FGFBP1: variants seen among roughly 807,000 people sequenced by gnomAD.
FGFBP1 encodes the protein fibroblast growth factor-binding protein 1.
A neutral mutation model predicts 14.6 loss-of-function variants in FGFBP1; 12 were observed. The observed-to-expected ratio is 0.82, with a 90% CI of 0.53 to 1.33. FGFBP1 has a LOEUF of 1.33. Among genes scored for constraint, FGFBP1 ranks in the 40% most tolerant of loss-of-function variants. The pLI is 0.00. For synonymous variants in FGFBP1, 117 were observed against 105.0 expected, an observed-to-expected ratio of 1.11 and a Z score of -0.70; for missense variants, 317 against 271.8, an observed-to-expected ratio of 1.17 and a Z score of -1.17.
At position 15,936,338 on chromosome 4, in the gene FGFBP1, T is replaced by G; in HGVS notation, c.295A>C (p.Asn99His). 6.2e-7 allele frequency: 1 copy of G among 1,614,202 alleles called. No homozygotes were observed. The highest frequency in any genetic ancestry group is 1.3e-5 in the African/African-American group (1 of 75,054). ...TTGAGCTTTAGGCATGAGGTTGGAT[T>G]GCCAGCAAAGACACAGGAAAATTCA... ...DHEFSCVFAG[N>H]PTSCLKLKDE... The change falls in exon 3 of 3, where the codon AAT becomes CAT. Residue 99 changes from asparagine to histidine, a missense_variant. By Grantham distance (68) the Asn-to-His change is moderately conservative (BLOSUM62 1). Transcript: ENST00000382333.
chr4:15,936,195 G>A lies in FGFBP1; in HGVS notation c.438C>T (p.Ser146=), dbSNP rs765273287. The change falls in exon 3 of 3, where the codon TCC becomes TCT. Residue 146 remains serine (S), a synonymous_variant. Transcript: ENST00000382333. ...TRVCRKDFPE[S]SLKLVSSTLF... is the part of the protein sequence containing the mutation. The stretch of plus-strand genomic sequence containing the variant: ...GAGTGGAGCTGACTAGCTTAAGACT[G>A]GATTCTGGAAAATCCTTTCTGCACA... 3.0e-5 allele frequency: 49 copies of A among 1,614,128 alleles called. No homozygotes were observed. The East Asian group carries it at 1.1e-3, about 36-fold the overall frequency.
At position 15,935,850 on chromosome 4, in the gene FGFBP1, A is replaced by G. The variant is rs1712461753; in HGVS notation, c.*78T>C. On this transcript the variant is annotated 3_prime_UTR_variant, in exon 3 of 3. Transcript: ENST00000382333. The stretch of plus-strand genomic sequence containing the variant: ...GCACAAAAGTTCATATTTTGGGGGG[A>G]CTGTAGAGAGCTTTAAAGTATACAG... 3.7e-6 allele frequency: 3 copies of G among 816,046 alleles called. No homozygotes were observed. The highest frequency in any genetic ancestry group is 5.7e-6 in the Non-Finnish European group (3 of 529,636). The allele number at this position is 816,046 out of a possible 1,614,324, so 50.6% of individuals were successfully genotyped here.
rs1712477515 is a variant in FGFBP1, at chr4:15,936,237, T to C, written c.396A>G (p.Thr132=). The C allele has an allele frequency of 3.7e-6, 6 of 1,614,246 alleles. No individual in the cohort carries two copies. Among genetic ancestry groups the C allele is most frequent in the Non-Finnish European group, 5.1e-6 (6 of 1,180,044 alleles). Residue 132 remains threonine, a synonymous_variant, in exon 3 of 3, where the codon ACA becomes ACG. Coordinates refer to ENST00000382333, the MANE Select transcript of FGFBP1 (RefSeq NM_005130.5). ...SQKDICRYSK[T]AVKTRVCRKD... is the part of the protein sequence containing the mutation. ...TTCTGCACACTCTGGTTTTCACAGC[T>C]GTCTTGGAATATCTACAGATGTCTT...
At position 15,936,212 on chromosome 4, in the gene FGFBP1, T is replaced by G. The variant is rs373232049; in HGVS notation, c.421A>C (p.Lys141Gln). Residue 141 changes from lysine to glutamine, a missense_variant, in exon 3 of 3, where the codon AAG becomes CAG. By Grantham distance (53) the Lys-to-Gln change is moderately conservative. Transcript: ENST00000382333. ...TTAAGACTGGATTCTGGAAAATCCT[T>G]TCTGCACACTCTGGTTTTCACAGCT... is the stretch of plus-strand genomic sequence containing the variant. ...KTAVKTRVCR[K>Q]DFPESSLKLV... 3 of 1,614,122 alleles carry G rather than the reference T, an allele frequency of 1.9e-6. No individual in the cohort carries two copies. The highest frequency in any genetic ancestry group is 2.5e-6 in the Non-Finnish European group (3 of 1,180,042).
In FGFBP1 at chr4:15,936,516, T is replaced by A; in HGVS notation, c.117A>T (p.Gln39His). 1 of 1,614,190 alleles carries A rather than the reference T, an allele frequency of 6.2e-7. No homozygotes were observed. Among genetic ancestry groups the A allele is most frequent in the African/African-American group, 1.3e-5 (1 of 75,054 alleles). The change falls in exon 3 of 3, where the codon CAA becomes CAT. Residue 39 changes from glutamine (Q) to histidine (H), a missense_variant. Physicochemically the swap from Gln to His is conservative, Grantham distance 24. Transcript: ENST00000382333. ...TCTGGGTGTTGCCCAGAGTGTCCTTTTGTTCTGAGACCACTTTGCTGTGAA... is the reference window on the plus strand; with the variant it reads ...TCTGGGTGTTGCCCAGAGTGTCCTTATGTTCTGAGACCACTTTGCTGTGAA... Reference protein sequence around the residue: ...NGLHSKVVSEQKDTLGNTQIK... With the variant: ...NGLHSKVVSEHKDTLGNTQIK...
At chr4:15,937,580 G>C (rs1247514806) in intron 2 of FGFBP1, among the ~76,000 whole-genome samples, 1 of 152,184 alleles carries the variant, frequency 6.6e-6, no homozygotes, top group Non-Finnish European at 1.5e-5. Context: ...GTTTCTATAT[G>C]ACACCTCCTG....
intron 2 of FGFBP1, 101 bp from the exon 3 acceptor site, chr4:15,936,753 C>A: frequency 2.9e-6 from 2 of 677,994 alleles, no homozygotes; most frequent in South Asian, 3.8e-5. Flanking sequence ...TACATGATTT[C>A]AGAGTAGACC....
Position 15,937,498 on chromosome 4 carries a change from C to T in FGFBP1, c.-21+753G>A, listed in dbSNP as rs116605069. ...ATTGAATCAATAGGATGAACACCAA[C>T]GTCACACTGAACTGCATGAATCTGA... On this transcript the variant is annotated intron_variant, in intron 2 of 2. Coordinates refer to ENST00000382333, the MANE Select transcript of FGFBP1 (RefSeq NM_005130.5). 1.9e-3 allele frequency among the ~76,000 whole-genome samples: 286 copies of T among 152,304 alleles called. 1 individual carries two copies. The highest frequency in any genetic ancestry group is 6.6e-3 in the African/African-American group (275 of 41,560).
At position 15,936,437 on chromosome 4, in the gene FGFBP1, C is replaced by A. The variant is rs746468903; in HGVS notation, c.196G>T (p.Ala66Ser). 2 of 1,614,214 alleles carry A rather than the reference C, an allele frequency of 1.2e-6. No homozygotes were observed. The highest frequency in any genetic ancestry group is 1.7e-6 in the Non-Finnish European group (2 of 1,180,024). The change falls in exon 3 of 3, where the codon GCC (alanine) becomes TCC (serine). Residue 66 changes from alanine to serine, a missense_variant. Coordinates refer to ENST00000382333, the MANE Select transcript of FGFBP1 (RefSeq NM_005130.5). ...TCAGTAGCAGCCCATCTGCAGTTGG[C>A]TTGGTCTTTGGTGACAAACTTGCCT... is the stretch of plus-strand genomic sequence containing the variant. ...NKGKFVTKDQ[A>S]NCRWAATEQE...
chr4:15,937,136 T>A (rs1036064818), intron 2 of FGFBP1, among the ~76,000 whole-genome samples: 7 of 152,180 alleles, frequency 4.6e-5, no homozygotes, highest in Admixed American at 4.6e-4. Flanking sequence ...TGCTCCAAAC[T>A]TTCAGCTCCA....
At position 15,936,650 on chromosome 4, in the gene FGFBP1, C is replaced by A; in HGVS notation, c.-18G>T. The A allele has an allele frequency of 6.3e-7, 1 of 1,577,248 alleles. No individual in the cohort carries two copies. Among genetic ancestry groups the A allele is most frequent in the Non-Finnish European group, 8.6e-7 (1 of 1,162,396 alleles). On this transcript the variant is annotated splice_region_variant and 5_prime_UTR_variant, in exon 3 of 3. Transcript: ENST00000382333. ...ATCTTCATGGCTGCAGCTGGGCGTT[C>A]ACCTGTTTGACAAAAGGCAAGTGAG... is the stretch of plus-strand genomic sequence containing the variant.
chr4:15,936,641 C>A lies in FGFBP1; in HGVS notation c.-9G>T, dbSNP rs201919686. The A allele has an allele frequency of 6.3e-7, 1 of 1,591,872 alleles. No individual in the cohort carries two copies. Among genetic ancestry groups the A allele is most frequent in the East Asian group, 2.2e-5 (1 of 44,752 alleles). On this transcript the variant is annotated 5_prime_UTR_variant, in exon 3 of 3. Coordinates refer to ENST00000382333, the MANE Select transcript of FGFBP1 (RefSeq NM_005130.5). ...AGGCTACAGATCTTCATGGCTGCAG[C>A]TGGGCGTTCACCTGTTTGACAAAAG...
At chr4:15,936,747 T>C in intron 2 of FGFBP1, 95 bp from the exon 3 acceptor site, 1 of 721,206 alleles carries the variant, frequency 1.4e-6, no homozygotes, top group Non-Finnish European at 2.3e-6. Flanking sequence ...GGTGCCTACA[T>C]GATTTCAGAG....
chr4:15,937,324 G>A lies in FGFBP1; in HGVS notation c.-20-672C>T, dbSNP rs193124202. On this transcript the variant is annotated intron_variant, in intron 2 of 2. Coordinates refer to ENST00000382333, the MANE Select transcript of FGFBP1 (RefSeq NM_005130.5). ...TGGGTGGGGTTGTGGGGGTGGGGGA[G>A]CTTTTTGTGGGGAAGTAAGAGTTTA... Among the ~76,000 whole-genome samples, 62 of 152,208 alleles carry A rather than the reference G, an allele frequency of 4.1e-4. No homozygotes were observed. The East Asian group carries it at 0.011, about 28-fold the overall frequency.
chr4:15,935,911 G>T lies in FGFBP1; in HGVS notation c.*17C>A. On this transcript the variant is annotated 3_prime_UTR_variant, in exon 3 of 3. Transcript: ENST00000382333. ...GACATGACATCTCTTAAGGGAACCCGTTCTCTTTTGACCTCATTAGCATGA... is the reference window on the plus strand; with the variant it reads ...GACATGACATCTCTTAAGGGAACCCTTTCTCTTTTGACCTCATTAGCATGA... 1 of 1,521,666 alleles carries T rather than the reference G, an allele frequency of 6.6e-7. No homozygotes were observed. Among genetic ancestry groups the T allele is most frequent in the Non-Finnish European group, 8.9e-7 (1 of 1,120,234 alleles). 94.3% of individuals were successfully genotyped at this position (1,521,666 alleles called of 1,614,324 possible).
In FGFBP1 at chr4:15,935,972, G is replaced by C. The variant is rs940682153; in HGVS notation, c.661C>G (p.Leu221Val). The change falls in exon 3 of 3, where the codon CTC becomes GTC. Residue 221 changes from leucine (L) to valine (V), a missense_variant. Coordinates refer to ENST00000382333, the MANE Select transcript of FGFBP1 (RefSeq NM_005130.5). Reference sequence around the variant, plus strand: ...ACTATGCTGAGGAAGAATGTGCAGAGAGAGCTCCAAGTCTCTCCACAGAAC... The same window carrying C: ...ACTATGCTGAGGAAGAATGTGCAGACAGAGCTCCAAGTCTCTCCACAGAAC... ...LEFCGETWSS[L>V]CTFFLSIVQD... is the part of the protein sequence containing the mutation. The C allele has an allele frequency of 1.4e-5, 22 of 1,613,540 alleles. No homozygotes were observed. The highest frequency in any genetic ancestry group is 1.8e-5 in the Non-Finnish European group (21 of 1,179,780).
Position 15,938,289 on chromosome 4 carries a change from G to C in FGFBP1, c.-59C>G, listed in dbSNP as rs576658867. ...CACGGATCCAGTGCAATCCCAGGCA[G>C]TGCGAGTGAATTGCAGGCTGCAGCT... On this transcript the variant is annotated 5_prime_UTR_variant, in exon 2 of 3. Transcript: ENST00000382333. 1 of 152,480 alleles carries C rather than the reference G, an allele frequency of 6.6e-6. No homozygotes were observed. The highest frequency in any genetic ancestry group is 1.9e-4 in the East Asian group (1 of 5,184). 9.4% of individuals were successfully genotyped at this position (152,480 alleles called of 1,614,324 possible). A position where few individuals can be genotyped will look rare whatever the true frequency, so the allele number is the denominator to read the frequency against.
chr4:15,936,028 T>A lies in FGFBP1; in HGVS notation c.605A>T (p.Asp202Val). 2 of 1,614,138 alleles carry A rather than the reference T, an allele frequency of 1.2e-6. No homozygotes were observed. The highest frequency in any genetic ancestry group is 1.7e-6 in the Non-Finnish European group (2 of 1,180,016). ...TKAPECVEDP[D>V]MANQRKTALE... is the part of the protein sequence containing the mutation. ...GGCAGTCTTCCTCTGGTTTGCCATA[T>A]CTGGGTCCTCCACACACTCGGGAGC... The change falls in exon 3 of 3, where the codon GAT becomes GTT. Residue 202 changes from aspartate to valine, a missense_variant. Physicochemically the swap from Asp to Val is radical, Grantham distance 152. Coordinates refer to ENST00000382333, the MANE Select transcript of FGFBP1 (RefSeq NM_005130.5).
rs1394290461 is a variant in FGFBP1 at position 15,936,265 on chromosome 4, T to A, written c.368A>T (p.Gln123Leu). ...CTTGGAATATCTACAGATGTCTTTC[T>A]GTGAGCGCAGATTCCGGGCAACTTG... Reference protein sequence around the residue: ...WKQVARNLRSQKDICRYSKTA... With the variant: ...WKQVARNLRSLKDICRYSKTA... Residue 123 changes from glutamine (Q) to leucine (L), a missense_variant, in exon 3 of 3, where the codon CAG (glutamine) becomes CTG (leucine). Physicochemically the swap from Gln to Leu is moderately radical, Grantham distance 113 (BLOSUM62 -2). Transcript: ENST00000382333. 3.7e-6 allele frequency: 6 copies of A among 1,614,228 alleles called. No homozygotes were observed. Among genetic ancestry groups the A allele is most frequent in the East Asian group, 2.2e-5 (1 of 44,888 alleles).
Sources: allele counts gnomAD v4.1 joint callset (sites outside exome capture counted in the v4.1 genomes callset), GRCh38; gene constraint gnomAD v4.1.1; transcripts MANE v1.5; gene names NCBI Gene and HGNC (gene_info 2026-07-23, HGNC 2026-07-21).